Variants in MEF2A observed in about 807,000 individuals in gnomAD.
MEF2A encodes myocyte enhancer factor 2A, also known as myocyte-specific enhancer factor 2A.
A neutral mutation model predicts 55.8 loss-of-function variants in MEF2A; 28 were observed. The ratio of observed to expected loss-of-function variants is 0.50; its 90% CI spans 0.37 to 0.69. The LOEUF is 0.69. Ranked by LOEUF, MEF2A falls within the 30% of genes least tolerant of loss-of-function variation. The pLI is 0.00. For missense variants in MEF2A, 528 were observed against 626.2 expected (o/e 0.84, Z 1.67); for synonymous variants, 239 against 227.1 (o/e 1.05, Z -0.47).
At chr15:99,580,206 A>G (rs1965515508) in intron 1 of MEF2A, among the ~76,000 whole-genome samples, 1 of 152,164 alleles carries the variant, frequency 6.6e-6, no homozygotes, top group Non-Finnish European at 1.5e-5. Flanking sequence ...GGTGAATGAC[A>G]GTTTGAGGGA....
In MEF2A at chr15:99,660,518, T is replaced by G. The variant is rs542844046; in HGVS notation, c.259-10805T>G. 3.3e-5 allele frequency among the ~76,000 whole-genome samples: 5 copies of G among 152,308 alleles called. No individual in the cohort carries two copies. In the East Asian group the frequency reaches 9.6e-4, roughly 29 times the overall value. ...TGTTTGGCATCCCATGTGCTAAGAA[T>G]GGGAACCCTGAGGTCCTATATGTGG... On this transcript the variant is annotated intron_variant, in intron 4 of 11. Coordinates refer to ENST00000557942, the MANE Select transcript of MEF2A (RefSeq NM_001319206.4).
chr15:99,676,049 A>C (rs2051957520), intron 7 of MEF2A, among the ~76,000 whole-genome samples: 1 of 152,184 alleles, frequency 6.6e-6, no homozygotes, highest in African/African-American at 2.4e-5. Flanking sequence ...CAAAAAAAAA[A>C]AAATTATGGA....
intron 9 of MEF2A, among the ~76,000 whole-genome samples, chr15:99,705,783 G>C (rs993516988): frequency 1.3e-5 from 2 of 152,056 alleles, no homozygotes; most frequent in African/African-American, 4.8e-5. Context: ...TTACTGATTT[G>C]GCTCAGACCC....
intron 3 of MEF2A, among the ~76,000 whole-genome samples, chr15:99,640,102 TC>T (rs1282571435): frequency 6.6e-6 from 1 of 152,214 alleles, no homozygotes; most frequent in Non-Finnish European, 1.5e-5. Context: ...TTTTAAATGT[TC>T]CGAATGGAGT....
chr15:99,570,414 CAA>C (rs1310405987), intron 1 of MEF2A, among the ~76,000 whole-genome samples: 2 of 151,900 alleles, frequency 1.3e-5, no homozygotes, highest in Admixed American at 1.3e-4. Flanking sequence ...AAAGCAAAAA[CAA>C]AACAAAAACC....
rs1381980734 is a variant in MEF2A at position 99,712,239 on chromosome 15, ACTGAAGGAAACGACC to A, written c.1137-149_1137-135del. 1 of 1,315,890 alleles carries A rather than the reference ACTGAAGGAAACGACC, an allele frequency of 7.6e-7. No homozygotes were observed. Among genetic ancestry groups the A allele is most frequent in the East Asian group, 2.5e-5 (1 of 39,248 alleles). 81.5% of individuals were successfully genotyped at this position (1,315,890 alleles called of 1,614,324 possible). The stretch of plus-strand genomic sequence containing the variant: ...GATGGGATTTCCTTTTGTGCCAAGC[ACTGAAGGAAACGACC>A]CAAACCAGTCTTGGGGAACTCTGAT... On this transcript the variant is annotated intron_variant, in intron 11 of 11. Coordinates refer to ENST00000557942, the MANE Select transcript of MEF2A (RefSeq NM_001319206.4). This position sits in a 1 kb window ranked among gnomAD's most constrained non-coding sequence, Gnocchi z 4.1.
chr15:99,580,173 TG>T (rs1485483568), intron 1 of MEF2A, among the ~76,000 whole-genome samples: 5 of 152,112 alleles, frequency 3.3e-5, no homozygotes, highest in Admixed American at 3.3e-4. Flanking sequence ...GATGAGAGTT[TG>T]GGGGATCAGT....
chr15:99,689,883 C>T (rs1330526763), intron 7 of MEF2A, among the ~76,000 whole-genome samples: 1 of 152,162 alleles, frequency 6.6e-6, no homozygotes, highest in African/African-American at 2.4e-5. Context: ...CTTTGCTTGT[C>T]TTCCTTTGCT....
rs1353907817 is a variant in MEF2A, at chr15:99,715,935, T to C, written c.*3164T>C. ...TCAGGGGTTTGTTCTACAAGAACAA[T>C]ACATGTTTTACCCTTTCCTTTAACT... On this transcript the variant is annotated 3_prime_UTR_variant, in exon 12 of 12. Coordinates refer to ENST00000557942, the MANE Select transcript of MEF2A (RefSeq NM_001319206.4). 1 of 152,966 alleles carries C rather than the reference T, an allele frequency of 6.5e-6. No homozygotes were observed. The highest frequency in any genetic ancestry group is 1.5e-5 in the Non-Finnish European group (1 of 68,594). The allele number at this position is 152,966 out of a possible 1,614,324, so 9.5% of individuals were successfully genotyped here.
chr15:99,602,653 G>GGTGTGT (rs773502316), intron 2 of MEF2A, among the ~76,000 whole-genome samples: 3,915 of 44,504 alleles, frequency 0.088, 812 homozygotes, highest in East Asian at 0.11. Context: ...ACATTCCTGG[G>GGTGTGT]GTGTGTGTGT....
intron 2 of MEF2A, among the ~76,000 whole-genome samples, chr15:99,617,780 G>A (rs2040456072): frequency 6.6e-6 from 1 of 152,074 alleles, no homozygotes; most frequent in African/African-American, 2.4e-5. Flanking sequence ...TCTAAGCAGT[G>A]TGTGGTTGAC....
intron 8 of MEF2A, among the ~76,000 whole-genome samples, chr15:99,699,361 T>C (rs573629116): frequency 4.9e-4 from 74 of 152,264 alleles, no homozygotes; most frequent in African/African-American, 1.7e-3. Context: ...TTCTGGAAAA[T>C]GCAAAACTCA....
intron 2 of MEF2A, among the ~76,000 whole-genome samples, chr15:99,618,261 T>A (rs2040535642): frequency 6.6e-6 from 1 of 152,152 alleles, no homozygotes; most frequent in Non-Finnish European, 1.5e-5. Flanking sequence ...GCTGGAACAA[T>A]CCTAAACTGA....
At chr15:99,677,849 A>AT (rs1359393417) in intron 7 of MEF2A, among the ~76,000 whole-genome samples, 2 of 152,240 alleles carry the variant, frequency 1.3e-5, no homozygotes, top group Non-Finnish European at 2.9e-5. Flanking sequence ...CAAATTAAAC[A>AT]TAAAGTAGGT....
chr15:99,601,516 T>G (rs959574294), intron 2 of MEF2A, among the ~76,000 whole-genome samples: 3 of 151,406 alleles, frequency 2.0e-5, no homozygotes, highest in African/African-American at 7.3e-5. Flanking sequence ...CAGAGTTTTT[T>G]TTTTTTTTTT....
intron 2 of MEF2A, among the ~76,000 whole-genome samples, chr15:99,629,536 G>T (rs574890857): frequency 6.6e-6 from 1 of 152,142 alleles, no homozygotes; most frequent in East Asian, 1.9e-4. Context: ...AAGGGGAAGG[G>T]GTGTCTGTAA....
intron 3 of MEF2A, among the ~76,000 whole-genome samples, chr15:99,645,332 A>C (rs906916220): frequency 6.6e-6 from 1 of 152,174 alleles, no homozygotes; most frequent in African/African-American, 2.4e-5. Flanking sequence ...AGCCAAGGAT[A>C]AGGAAATACT....
intron 8 of MEF2A, among the ~76,000 whole-genome samples, chr15:99,690,896 G>T (rs1249287300): frequency 6.6e-6 from 1 of 152,154 alleles, no homozygotes. Flanking sequence ...TAGGAGAGAA[G>T]GGTGACTATA....
intron 8 of MEF2A, among the ~76,000 whole-genome samples, chr15:99,696,754 A>G (rs537034911): frequency 1.1e-4 from 17 of 152,100 alleles, no homozygotes; most frequent in African/African-American, 3.9e-4. Flanking sequence ...TACCAATTCT[A>G]CACAGTCTCT....
Sources: gnomAD v4.1 joint callset for allele counts (sites outside exome capture counted in the v4.1 genomes callset) on GRCh38, gnomAD v4.1.1 for gene constraint, Gnocchi (gnomAD v3.1) non-coding constraint, MANE v1.5 for transcripts, NCBI Gene and HGNC (gene_info 2026-07-23, HGNC 2026-07-21) for gene names.